The following SRP54 variants were observed in gnomAD, a reference collection of about 807,000 sequenced individuals.
The protein encoded by SRP54 is signal recognition particle 54.
A neutral mutation model predicts 64.8 loss-of-function variants in SRP54; 10 were observed. That is an observed-to-expected ratio of 0.15 (90% CI 0.10 to 0.26). The LOEUF is 0.26. SRP54 is among the 10% of genes least tolerant of loss of function. The pLI is 1.00. For synonymous variants in SRP54, 193 were observed against 185.6 expected, an observed-to-expected ratio of 1.04 and a Z score of -0.32; for missense variants, 325 against 613.7, an observed-to-expected ratio of 0.53 and a Z score of 4.97.
chr14:35,014,334 A>G (rs902401912), intron 10 of SRP54, among the ~76,000 whole-genome samples: 1 of 144,786 alleles, frequency 6.9e-6, no homozygotes, highest in Admixed American at 7.4e-5. Context: ...CTGGAGTGCA[A>G]TGGCGGGATC....
intron 1 of SRP54, among the ~76,000 whole-genome samples, chr14:34,996,064 CAAAAA>C (rs201959550): frequency 2.5e-5 from 3 of 119,538 alleles, no homozygotes; most frequent in Admixed American, 8.9e-5. Context: ...GACCCTGTCT[CAAAAA>C]AAAAAAAAAA....
At position 35,028,088 on chromosome 14, in the gene SRP54, G is replaced by A; in HGVS notation, c.1328G>A (p.Gly443Asp). The A allele has an allele frequency of 6.2e-7, 1 of 1,600,902 alleles. No individual in the cohort carries two copies. Among genetic ancestry groups the A allele is most frequent in the Non-Finnish European group, 8.5e-7 (1 of 1,174,184 alleles). Reference sequence around the variant, plus strand: ...AAAATCTTTTTTTTTTTCCCCTCAGGTGGCGACATGTCTAAGAATGTGAGC... The same window carrying A: ...AAAATCTTTTTTTTTTTCCCCTCAGATGGCGACATGTCTAAGAATGTGAGC... ...KMGGIKGLFKGGDMSKNVSQS... is the reference protein window; with the variant it reads ...KMGGIKGLFKDGDMSKNVSQS... The change falls in exon 15 of 16, where the codon GGT becomes GAT. Residue 443 changes from glycine to aspartate, a missense_variant and splice_region_variant. By Grantham distance (94) the Gly-to-Asp change is moderately conservative (BLOSUM62 -1). Coordinates refer to ENST00000216774, the MANE Select transcript of SRP54 (RefSeq NM_003136.4).
rs1555354848 is a variant in SRP54, at chr14:35,014,290, T to TG, written c.886+388_886+389insG. Among the ~76,000 whole-genome samples the TG allele has an allele frequency of 3.6e-4, 46 of 127,348 alleles. 2 individuals carry two copies. The highest frequency in any genetic ancestry group is 3.5e-3 in the East Asian group (13 of 3,684). 83.5% of individuals were successfully genotyped at this position (127,348 alleles called of 152,430 possible). ...TGCCACTTAACTTTTTTTTTTTTTT[T>TG]TTTTGAGACGGAGTTTCGCTCTTGT... On this transcript the variant is annotated intron_variant, in intron 10 of 15. Transcript: ENST00000216774.
Position 35,016,849 on chromosome 14 carries a change from TTTTTTTTTTTTC to T in SRP54, c.974-1840_974-1829del, listed in dbSNP as rs1236762417. ...TTTGCCCCTTTTTTTTCTTTTCTTTTTTTTTTTTTTTCTTCTTTTTTTGAGACAGAGTTTCAC... is the reference window on the plus strand; with the variant it reads ...TTTGCCCCTTTTTTTTCTTTTCTTTTTTCTTTTTTTGAGACAGAGTTTCAC... On this transcript the variant is annotated intron_variant, in intron 11 of 15. Transcript: ENST00000216774. Among the ~76,000 whole-genome samples the T allele has an allele frequency of 5.6e-5, 8 of 143,290 alleles. No homozygotes were observed. In the East Asian group the frequency reaches 9.9e-4, roughly 18 times the overall value. The allele number at this position is 143,290 out of a possible 152,430, so 94.0% of individuals were successfully genotyped here. A position where few individuals can be genotyped will look rare whatever the true frequency, so the allele number is the denominator to read the frequency against.
rs1449716007 is a variant in SRP54 at position 35,008,790 on chromosome 14, A to G, written c.444A>G (p.Leu148=). 1.9e-6 allele frequency: 3 copies of G among 1,610,880 alleles called. No individual in the cohort carries two copies. Among genetic ancestry groups the G allele is most frequent in the South Asian group, 1.1e-5 (1 of 90,534 alleles). ...ATCTTCCAGGGGCTTTTGACCAACT[A>G]AAACAGAATGCTACCAAAGCAAGAA... is the stretch of plus-strand genomic sequence containing the variant. The part of the protein sequence containing the change: ...DTFRAGAFDQ[L]KQNATKARIP... Residue 148 remains leucine (L), a synonymous_variant, in exon 7 of 16, where the codon CTA becomes CTG. Transcript: ENST00000216774.
chr14:34,989,400 G>A (rs1269681021), intron 1 of SRP54, among the ~76,000 whole-genome samples: 8 of 151,918 alleles, frequency 5.3e-5, no homozygotes, highest in Non-Finnish European at 8.8e-5. Flanking sequence ...CTAGCTGCTC[G>A]GGAGGTTGCA....
chr14:35,024,962 C>A (rs945448990), intron 14 of SRP54, among the ~76,000 whole-genome samples: 3 of 152,130 alleles, frequency 2.0e-5, no homozygotes, highest in African/African-American at 7.2e-5. Context: ...AACTCCCAAC[C>A]TCAAGTGATT....
rs1426189244 is a variant in SRP54, at chr14:35,007,808, A to AACT, written c.360+421_360+422insACT. The stretch of plus-strand genomic sequence containing the variant: ...AAATATATTAATAACATATTAAGAT[A>AACT]TAAAGCCAGGCTTTATAATATTGTT... On this transcript the variant is annotated intron_variant, in intron 5 of 15. Transcript: ENST00000216774. 1.2e-4 allele frequency among the ~76,000 whole-genome samples: 18 copies of AACT among 149,920 alleles called. 1 individual carries two copies. The highest frequency in any genetic ancestry group is 4.2e-4 in the South Asian group (2 of 4,794).
At chr14:35,028,463 T>G (rs527798203) in intron 15 of SRP54, among the ~76,000 whole-genome samples, 12 of 152,260 alleles carry the variant, frequency 7.9e-5, no homozygotes, top group African/African-American at 2.9e-4. Context: ...AACCTGGATA[T>G]TTTTACTTAT....
At chr14:35,015,542 A>G (rs538963302) in intron 11 of SRP54, among the ~76,000 whole-genome samples, 1 of 152,270 alleles carries the variant, frequency 6.6e-6, no homozygotes, top group South Asian at 2.1e-4. Flanking sequence ...TGTATCTCTG[A>G]TCTATTTTTT....
chr14:34,992,518 C>T (rs2043997173), intron 1 of SRP54, among the ~76,000 whole-genome samples: 1 of 152,116 alleles, frequency 6.6e-6, no homozygotes, highest in African/African-American at 2.4e-5. Flanking sequence ...AGGCCATTAT[C>T]CTAAGAGAAC....
intron 4 of SRP54, among the ~76,000 whole-genome samples, chr14:35,005,653 C>G (rs1403805646): frequency 6.6e-6 from 1 of 152,086 alleles, no homozygotes; most frequent in Non-Finnish European, 1.5e-5. Flanking sequence ...CCTTTGTCCC[C>G]CCGCTGAAAG....
At position 35,018,706 on chromosome 14, in the gene SRP54, C is replaced by T; in HGVS notation, c.988C>T (p.Arg330Ter). 1 of 1,612,972 alleles carries T rather than the reference C, an allele frequency of 6.2e-7. No homozygotes were observed. The change falls in exon 12 of 16, where the codon CGA (arginine) becomes TGA (stop). Residue 330 changes from arginine (R) to a stop codon, truncating the protein, a stop_gained. Transcript: ENST00000216774. LOFTEE classifies it high-confidence loss of function. The part of the protein sequence containing the change: ...EKLKHGQFTL[R>*]DMYEQFQNIM... Reference sequence around the variant, plus strand: ...TTGTATTTCAGGTCAGTTTACGTTGCGAGACATGTATGAGCAATTTCAAAA... The same window carrying T: ...TTGTATTTCAGGTCAGTTTACGTTGTGAGACATGTATGAGCAATTTCAAAA...
chr14:35,011,476 C>A, intron 7 of SRP54, 33 bp from the exon 8 acceptor site: 1 of 1,376,918 alleles, frequency 7.3e-7, no homozygotes, highest in South Asian at 2.1e-5. Context: ...GAAGTTTTGT[C>A]GTTTTGTTAA....
intron 1 of SRP54, among the ~76,000 whole-genome samples, chr14:34,988,908 T>C (rs938289523): frequency 2.0e-5 from 3 of 152,058 alleles, no homozygotes; most frequent in Admixed American, 6.6e-5. Flanking sequence ...CCATGTACTT[T>C]AAAGCATCTC....
intron 1 of SRP54, among the ~76,000 whole-genome samples, chr14:34,986,476 A>G (rs1434634024): frequency 1.3e-5 from 2 of 152,240 alleles, no homozygotes; most frequent in African/African-American, 4.8e-5. Context: ...TCTGTTGACT[A>G]GTTGCACTCT....
intron 1 of SRP54, among the ~76,000 whole-genome samples, chr14:34,985,190 A>G (rs1028447): frequency 0.42 from 63,669 of 152,126 alleles, 14,081 homozygotes; most frequent in East Asian, 0.69. Context: ...AAAATTAGCC[A>G]GGCTTAGTGG....
intron 3 of SRP54, 133 bp downstream of exon 3, chr14:34,999,782 C>T (rs1419174395): frequency 9.8e-6 from 6 of 612,732 alleles, no homozygotes; most frequent in South Asian, 2.1e-5. Context: ...TGTGTTGGAG[C>T]TCATATGTTG....
At chr14:35,005,555 A>C (rs2044243254) in intron 4 of SRP54, among the ~76,000 whole-genome samples, 1 of 151,748 alleles carries the variant, frequency 6.6e-6, no homozygotes, top group Non-Finnish European at 1.5e-5. Context: ...GTGCCACCAC[A>C]CCTGGCCAAT....
Sources: gnomAD v4.1 joint callset for allele counts (sites outside exome capture counted in the v4.1 genomes callset) on GRCh38, gnomAD v4.1.1 for gene constraint, MANE v1.5 for transcripts, NCBI Gene and HGNC (gene_info 2026-07-23, HGNC 2026-07-21) for gene names.